The following TMOD3 variants were observed in gnomAD, a reference collection of about 807,000 sequenced individuals.
TMOD3 encodes tropomodulin 3.
Under a neutral mutation model 39.2 loss-of-function variants are expected in TMOD3, and 20 were observed. The ratio of observed to expected loss-of-function variants is 0.51; its 90% confidence interval spans 0.36 to 0.74. The LOEUF is 0.74. Among genes scored for constraint, TMOD3 ranks in the 30% least tolerant of loss-of-function variants. The pLI, the probability that TMOD3 is intolerant of heterozygous loss-of-function variation, is 0.00. For synonymous variants in TMOD3, 143 were observed against 145.8 expected (o/e 0.98, Z 0.14); for missense variants, 381 against 412.8 (o/e 0.92, Z 0.67).
In TMOD3 at chr15:51,901,611, GTA is replaced by G. The variant is rs1555388568; in HGVS notation, c.880-278_880-277del. The G allele has an allele frequency of 1.1e-5, 4 of 358,638 alleles. No individual in the cohort carries two copies. The South Asian group carries it at 1.2e-4, about 11-fold the overall frequency. 22.2% of individuals were successfully genotyped at this position (358,638 alleles called of 1,614,324 possible). On this transcript the variant is annotated intron_variant, in intron 8 of 9. Transcript: ENST00000308580. ...TGTGTGTGTGTGTGTGTGTGTGTGT[GTA>G]TAAAGTTCCAGTGAGGCTGTGGTGA...
intron 2 of TMOD3, among the ~76,000 whole-genome samples, chr15:51,863,780 A>T (rs2056430973): frequency 6.6e-6 from 1 of 152,172 alleles, no homozygotes; most frequent in African/African-American, 2.4e-5. Context: ...TTCATTTTAT[A>T]ACGTTGTTGT....
chr15:51,859,087 T>A, intron 1 of TMOD3: 1 of 511,254 alleles, frequency 2.0e-6, no homozygotes, highest in Non-Finnish European at 3.6e-6. Flanking sequence ...CCATCTTGTC[T>A]GCCATCGATG....
At chr15:51,838,935 G>A (rs984044710) in intron 1 of TMOD3, among the ~76,000 whole-genome samples, 2 of 152,144 alleles carry the variant, frequency 1.3e-5, no homozygotes, top group Non-Finnish European at 2.9e-5. Flanking sequence ...TGAGAGTGGT[G>A]ACCCCTGTAC....
chr15:51,881,168 C>T (rs890839695), intron 3 of TMOD3, among the ~76,000 whole-genome samples: 1 of 152,170 alleles, frequency 6.6e-6, no homozygotes, highest in Non-Finnish European at 1.5e-5. Context: ...CTTCTGGGCT[C>T]AAACAATCCT....
At chr15:51,874,089 A>C (rs560328827) in intron 3 of TMOD3, among the ~76,000 whole-genome samples, 11 of 152,354 alleles carry the variant, frequency 7.2e-5, no homozygotes, top group African/African-American at 2.4e-4. Flanking sequence ...ATAACTGGCC[A>C]GGACAGGAGG....
chr15:51,875,306 A>G (rs1566860578), intron 3 of TMOD3: 1 of 152,210 alleles, frequency 6.6e-6, no homozygotes. Flanking sequence ...ATCATATTGT[A>G]TGAACCCTAA....
At chr15:51,861,996 G>A (rs940274382) in intron 1 of TMOD3, among the ~76,000 whole-genome samples, 5 of 152,190 alleles carry the variant, frequency 3.3e-5, no homozygotes, top group African/African-American at 1.2e-4. Context: ...GCTGGAATAT[G>A]CAGAAATCCT....
At chr15:51,868,976 G>T (rs953507344) in intron 2 of TMOD3, among the ~76,000 whole-genome samples, 2 of 152,138 alleles carry the variant, frequency 1.3e-5, no homozygotes, top group African/African-American at 4.8e-5. Flanking sequence ...TCTCCAAAAA[G>T]AAAAGAAACT....
intron 3 of TMOD3, among the ~76,000 whole-genome samples, chr15:51,886,259 C>T (rs866427610): frequency 7.9e-5 from 12 of 152,084 alleles, no homozygotes; most frequent in African/African-American, 2.7e-4. Flanking sequence ...ACTTCCCAGA[C>T]GGGGTGGCGG....
chr15:51,860,746 A>C, intron 1 of TMOD3: 1 of 373,128 alleles, frequency 2.7e-6, no homozygotes, highest in South Asian at 2.1e-5. Flanking sequence ...GACCAGCCTG[A>C]CCAACAAGGT....
intron 1 of TMOD3, among the ~76,000 whole-genome samples, chr15:51,846,204 A>G (rs1333934535): frequency 6.6e-6 from 1 of 151,518 alleles, no homozygotes; most frequent in Non-Finnish European, 1.5e-5. Context: ...AGTGGCACGC[A>G]CCTATTGTCC....
intron 9 of TMOD3, among the ~76,000 whole-genome samples, chr15:51,903,063 C>T (rs1444427763): frequency 6.6e-6 from 1 of 152,150 alleles, no homozygotes; most frequent in Non-Finnish European, 1.5e-5. Flanking sequence ...GGATTACAGG[C>T]GTGAGCCACC....
rs1180722615 is a variant in TMOD3, at chr15:51,831,693, T to C, written c.-75+1857T>C. On this transcript the variant is annotated intron_variant, in intron 1 of 9. Coordinates refer to ENST00000308580, the MANE Select transcript of TMOD3 (RefSeq NM_014547.5). ...ACAAGAACAATTGTCATCATAAGTT[T>C]TTCTCCTTCTTTCCTTTTCCTTTCT... Among the ~76,000 whole-genome samples, 8 of 152,146 alleles carry C rather than the reference T, an allele frequency of 5.3e-5. No homozygotes were observed. The East Asian group carries it at 1.5e-3, about 29-fold the overall frequency.
In TMOD3 at chr15:51,911,012, A is replaced by T. The variant is rs1452256319; in HGVS notation, c.*2202A>T. 1 of 149,158 alleles carries T rather than the reference A, an allele frequency of 6.7e-6. No individual in the cohort carries two copies. The highest frequency in any genetic ancestry group is 2.0e-4 in the East Asian group (1 of 5,120). The allele number at this position is 149,158 out of a possible 1,614,324, so 9.2% of individuals were successfully genotyped here. On this transcript the variant is annotated 3_prime_UTR_variant, in exon 10 of 10. Transcript: ENST00000308580. ...TCTCTTTTTTTTTCCCCGCATATGC[A>T]GCTTTTTGATTGTACTTGATTTTAT...
chr15:51,885,188 C>A (rs1299620118), intron 3 of TMOD3, among the ~76,000 whole-genome samples: 1 of 151,804 alleles, frequency 6.6e-6, no homozygotes, highest in Non-Finnish European at 1.5e-5. Context: ...TTTTCCATTC[C>A]TTTCATATTT....
intron 1 of TMOD3, among the ~76,000 whole-genome samples, chr15:51,842,315 A>G (rs536972291): frequency 2.0e-5 from 3 of 152,318 alleles, no homozygotes; most frequent in African/African-American, 7.2e-5. Context: ...TCATGTCACC[A>G]GATTACTTTT....
chr15:51,908,639 C>A, intron 9 of TMOD3, 137 bp from the exon 10 acceptor site: 2 of 399,388 alleles, frequency 5.0e-6, no homozygotes, highest in Non-Finnish European at 8.5e-6. Flanking sequence ...AATTAGTGGT[C>A]ATGTGAACTG....
chr15:51,843,358 A>G (rs370821322), intron 1 of TMOD3, among the ~76,000 whole-genome samples: 39 of 152,304 alleles, frequency 2.6e-4, no homozygotes, highest in African/African-American at 9.1e-4. Context: ...AAAGCAGAGG[A>G]TTCCTAGTGA....
chr15:51,855,033 T>G (rs1484163447), intron 1 of TMOD3, among the ~76,000 whole-genome samples: 4 of 152,212 alleles, frequency 2.6e-5, no homozygotes, highest in Non-Finnish European at 5.9e-5. Context: ...CTTGATGTCC[T>G]TAAGTATAGC....
Sources: gnomAD v4.1 joint callset for allele counts (sites outside exome capture counted in the v4.1 genomes callset) on GRCh38, gnomAD v4.1.1 for gene constraint, MANE v1.5 for transcripts, NCBI Gene and HGNC (gene_info 2026-07-23, HGNC 2026-07-21) for gene names.